The following STK39 variants were observed in gnomAD, a reference collection of about 807,000 sequenced individuals.
STK39 encodes the protein serine/threonine kinase 39, also known as STE20/SPS1-related proline-alanine-rich protein kinase.
Under a neutral mutation model 77.8 loss-of-function variants are expected in STK39, and 20 were observed. The observed-to-expected ratio is 0.26, with a 90% confidence interval of 0.18 to 0.37. The LOEUF (loss-of-function observed/expected upper bound fraction) is 0.37, where lower values mean the gene tolerates loss of function less well. Among genes scored for constraint, STK39 ranks in the 10% least tolerant of loss-of-function variants. The pLI is 1.00. For synonymous variants in STK39, 246 were observed against 234.1 expected, an observed-to-expected ratio of 1.05 and a Z score of -0.47; for missense variants, 479 against 656.5, an observed-to-expected ratio of 0.73 and a Z score of 2.95.
intron 16 of STK39, among the ~76,000 whole-genome samples, chr2:168,003,289 T>A (rs977479764): frequency 6.6e-6 from 1 of 152,236 alleles, no homozygotes; most frequent in Non-Finnish European, 1.5e-5. Context: ...CTGCTGAATA[T>A]CTTAATTCAT....
intron 16 of STK39, among the ~76,000 whole-genome samples, chr2:167,979,092 T>C (rs997197606): frequency 2.0e-5 from 3 of 152,184 alleles, no homozygotes; most frequent in Non-Finnish European, 2.9e-5. Context: ...GATGAATACT[T>C]GGGTATTTCT....
chr2:168,231,192 T>C (rs150595335), intron 1 of STK39, among the ~76,000 whole-genome samples: 87 of 152,336 alleles, frequency 5.7e-4, no homozygotes, highest in Non-Finnish European at 1.0e-3. Flanking sequence ...TAAGGTTACA[T>C]ACTTATTCCA....
chr2:168,203,162 A>G (rs975073395), intron 1 of STK39, among the ~76,000 whole-genome samples: 1 of 152,106 alleles, frequency 6.6e-6, no homozygotes, highest in Non-Finnish European at 1.5e-5. Context: ...CAGACACTGG[A>G]AACTGTTTCA....
At chr2:168,237,019 C>T (rs1385882581) in intron 1 of STK39, among the ~76,000 whole-genome samples, 1 of 152,092 alleles carries the variant, frequency 6.6e-6, no homozygotes, top group African/African-American at 2.4e-5. Context: ...GGCATTGAAT[C>T]TATAAATTAC....
chr2:168,211,342 A>G (rs549193309), intron 1 of STK39, among the ~76,000 whole-genome samples: 2 of 151,838 alleles, frequency 1.3e-5, no homozygotes, highest in Admixed American at 6.7e-5. Context: ...TTTCAAACAC[A>G]TGAGTCAAGA....
chr2:168,244,209 C>T (rs1690842505), intron 1 of STK39, among the ~76,000 whole-genome samples: 1 of 152,190 alleles, frequency 6.6e-6, no homozygotes, highest in South Asian at 2.1e-4. Flanking sequence ...AACAACAATA[C>T]AATAAAGAGA....
chr2:168,007,217 C>T (rs1447227548), intron 16 of STK39, among the ~76,000 whole-genome samples: 3 of 152,178 alleles, frequency 2.0e-5, no homozygotes, highest in East Asian at 1.9e-4. Flanking sequence ...CTTTACACAG[C>T]TTTCCTCAGG....
chr2:168,209,030 A>C (rs1405462605), intron 1 of STK39, among the ~76,000 whole-genome samples: 1 of 152,138 alleles, frequency 6.6e-6, no homozygotes, highest in Non-Finnish European at 1.5e-5. Context: ...TGGCTATCCC[A>C]AGGATAGCAC....
intron 16 of STK39, among the ~76,000 whole-genome samples, chr2:168,010,639 T>C (rs912015401): frequency 3.3e-5 from 5 of 152,244 alleles, no homozygotes; most frequent in Non-Finnish European, 7.3e-5. Context: ...ATGGAGCCAC[T>C]TGGCAAAGGA....
intron 1 of STK39, among the ~76,000 whole-genome samples, chr2:168,237,289 G>C (rs1482524862): frequency 3.3e-5 from 5 of 152,188 alleles, no homozygotes; most frequent in African/African-American, 1.2e-4. Flanking sequence ...TTTGCACATT[G>C]ATTTTGTATC....
intron 14 of STK39, among the ~76,000 whole-genome samples, chr2:168,028,558 G>A (rs1191644912): frequency 6.6e-6 from 1 of 152,222 alleles, no homozygotes; most frequent in Non-Finnish European, 1.5e-5. Flanking sequence ...TTAATGGCAG[G>A]TAGGAGCAGA....
In STK39 at chr2:167,954,434, A is replaced by C. The variant is rs1352469106; in HGVS notation, c.*1062T>G. On this transcript the variant is annotated 3_prime_UTR_variant, in exon 18 of 18. Coordinates refer to ENST00000355999, the MANE Select transcript of STK39 (RefSeq NM_013233.3). ...ATTGCACAAAACCCTTCCAATTTTC[A>C]CTCCACCTGGGTATTCTGCAAAATT... The C allele has an allele frequency of 1.3e-5, 2 of 152,478 alleles. No homozygotes were observed. Among genetic ancestry groups the C allele is most frequent in the East Asian group, 3.9e-4 (2 of 5,184 alleles). 9.4% of individuals were successfully genotyped at this position (152,478 alleles called of 1,614,324 possible).
intron 10 of STK39, among the ~76,000 whole-genome samples, chr2:168,097,706 C>A (rs1338468125): frequency 6.6e-6 from 1 of 151,206 alleles, no homozygotes; most frequent in Non-Finnish European, 1.5e-5. Flanking sequence ...TGCATTCCAG[C>A]CTGCGTGACA....
intron 1 of STK39, among the ~76,000 whole-genome samples, chr2:168,236,548 T>C (rs1427038367): frequency 6.6e-6 from 1 of 152,196 alleles, no homozygotes; most frequent in African/African-American, 2.4e-5. Context: ...CTGAATGGTA[T>C]TGCCTAGGTT....
chr2:168,203,208 C>G (rs2105679156), intron 1 of STK39, among the ~76,000 whole-genome samples: 1 of 152,210 alleles, frequency 6.6e-6, no homozygotes, highest in South Asian at 2.1e-4. Context: ...TCTCCCTCAG[C>G]TGAGGACCAC....
intron 17 of STK39, among the ~76,000 whole-genome samples, chr2:167,959,266 C>T (rs931907004): frequency 1.3e-4 from 19 of 151,820 alleles, no homozygotes; most frequent in Non-Finnish European, 2.6e-4. Context: ...CTACAGGTGC[C>T]CGCCACCATG....
At chr2:168,205,601 G>A (rs1029655322) in intron 1 of STK39, among the ~76,000 whole-genome samples, 1 of 152,118 alleles carries the variant, frequency 6.6e-6, no homozygotes, top group Admixed American at 6.5e-5. Context: ...GGGATTGCTT[G>A]AGGCCAGGAG....
intron 17 of STK39, among the ~76,000 whole-genome samples, chr2:167,959,302 T>C (rs1471726407): frequency 6.6e-6 from 1 of 151,576 alleles, no homozygotes; most frequent in Non-Finnish European, 1.5e-5. Flanking sequence ...TTTTTTTGTA[T>C]TTTTAGTAGA....
chr2:168,001,426 T>C (rs965227413), intron 16 of STK39, among the ~76,000 whole-genome samples: 1 of 152,080 alleles, frequency 6.6e-6, no homozygotes, highest in Admixed American at 6.6e-5. Context: ...CTGGGGTACA[T>C]GTATTTTTAC....
Sources: allele counts gnomAD v4.1 joint callset (sites outside exome capture counted in the v4.1 genomes callset), GRCh38; gene constraint gnomAD v4.1.1; transcripts MANE v1.5; gene names NCBI Gene and HGNC (gene_info 2026-07-23, HGNC 2026-07-21).